Variants in UTRN observed in about 807,000 individuals in gnomAD.
UTRN encodes the protein dystrophin-related protein 1.
Under a neutral mutation model 463.9 loss-of-function variants are expected in UTRN, and 283 were observed. The ratio of observed to expected loss-of-function variants is 0.61; its 90% CI spans 0.55 to 0.67. The LOEUF (loss-of-function observed/expected upper bound fraction) is 0.67. Ranked by LOEUF, UTRN falls within the 30% of genes least tolerant of loss-of-function variation. The pLI is 0.00. For synonymous variants in UTRN, 1,442 were observed against 1,431.5 expected (o/e 1.01, Z -0.17); for missense variants, 3,922 against 4,084.3 (o/e 0.96, Z 1.08).
At position 144,423,631 on chromosome 6, in the gene UTRN, G is replaced by A. The variant is rs1325447997; in HGVS notation, c.312+5G>A. 4 of 1,614,170 alleles carry A rather than the reference G, an allele frequency of 2.5e-6. No homozygotes were observed. The highest frequency in any genetic ancestry group is 2.5e-6 in the Non-Finnish European group (3 of 1,179,968). ...CAGGTTTTACATCAGAACAATGTAA[G>A]TGTGTAATGTGAGTTCTGGGGGTCT... On this transcript the variant is annotated splice_donor_5th_base_variant and intron_variant, in intron 5 of 74. Transcript: ENST00000367545.
chr6:144,442,810 C>G (rs1787307686), intron 13 of UTRN, among the ~76,000 whole-genome samples: 1 of 152,148 alleles, frequency 6.6e-6, no homozygotes, highest in Non-Finnish European at 1.5e-5. Context: ...CACAGGCAAA[C>G]CATATCACAC....
intron 13 of UTRN, 143 bp downstream of exon 13, chr6:144,440,614 G>T (rs935073732): frequency 1.8e-6 from 2 of 1,109,592 alleles, no homozygotes; most frequent in East Asian, 2.5e-5. Context: ...TCTCAGTTGG[G>T]GTTCTACAGT....
intron 52 of UTRN, among the ~76,000 whole-genome samples, chr6:144,696,422 C>T (rs538876100): frequency 7.2e-5 from 11 of 152,224 alleles, no homozygotes; most frequent in African/African-American, 2.6e-4. Context: ...TTTATTTATC[C>T]TAAATTAAAA....
At chr6:144,677,511 A>G (rs996438822) in intron 51 of UTRN, among the ~76,000 whole-genome samples, 1 of 152,140 alleles carries the variant, frequency 6.6e-6, no homozygotes, top group Admixed American at 6.5e-5. Context: ...TATCCAGTCT[A>G]TCATTGATGG....
At chr6:144,728,688 A>G (rs1788185563) in intron 53 of UTRN, among the ~76,000 whole-genome samples, 1 of 152,040 alleles carries the variant, frequency 6.6e-6, no homozygotes, top group Non-Finnish European at 1.5e-5. Context: ...GGAAGGACAT[A>G]TAAATGTACC....
intron 41 of UTRN, among the ~76,000 whole-genome samples, chr6:144,529,294 G>A (rs1250293017): frequency 6.6e-6 from 1 of 152,166 alleles, no homozygotes; most frequent in African/African-American, 2.4e-5. Flanking sequence ...CAGTTCCTCG[G>A]CTCTCCCATG....
At chr6:144,818,411 T>TAA (rs1285136355) in intron 65 of UTRN, among the ~76,000 whole-genome samples, 1 of 152,164 alleles carries the variant, frequency 6.6e-6, no homozygotes, top group Non-Finnish European at 1.5e-5. Flanking sequence ...TGAGGCACAC[T>TAA]GGGTAAGGGG....
chr6:144,678,015 T>C (rs1781821314), intron 51 of UTRN, among the ~76,000 whole-genome samples: 1 of 152,196 alleles, frequency 6.6e-6, no homozygotes, highest in Non-Finnish European at 1.5e-5. Flanking sequence ...GTCAGATGGA[T>C]AGATTGCAGA....
chr6:144,734,426 C>T (rs77366776), intron 54 of UTRN, among the ~76,000 whole-genome samples: 1 of 152,134 alleles, frequency 6.6e-6, no homozygotes, highest in Non-Finnish European at 1.5e-5. Context: ...AATGAGCACT[C>T]AACATTTACG....
At chr6:144,477,745 A>G (rs747733460) in intron 25 of UTRN, among the ~76,000 whole-genome samples, 2 of 152,118 alleles carry the variant, frequency 1.3e-5, no homozygotes, top group Non-Finnish European at 2.9e-5. Flanking sequence ...GCTAAATTCA[A>G]ATTTTTCTCA....
intron 51 of UTRN, among the ~76,000 whole-genome samples, chr6:144,641,937 A>G (rs1327976673): frequency 6.6e-6 from 1 of 152,220 alleles, no homozygotes; most frequent in Non-Finnish European, 1.5e-5. Context: ...GAAATTAGCA[A>G]CTATATTTAG....
intron 38 of UTRN, among the ~76,000 whole-genome samples, 165 bp downstream of exon 38, chr6:144,516,552 C>T (rs1795626902): frequency 6.6e-6 from 1 of 151,882 alleles, no homozygotes; most frequent in South Asian, 2.1e-4. Context: ...GATTCATGTG[C>T]TTAAAAAGAA....
chr6:144,563,401 C>T (rs1800105335), intron 50 of UTRN, among the ~76,000 whole-genome samples: 1 of 151,986 alleles, frequency 6.6e-6, no homozygotes, highest in Non-Finnish European at 1.5e-5. Context: ...TGGTCAATTC[C>T]TTTTAACAGT....
intron 39 of UTRN, among the ~76,000 whole-genome samples, chr6:144,518,945 G>C (rs1795858998): frequency 6.6e-6 from 1 of 152,076 alleles, no homozygotes; most frequent in Non-Finnish European, 1.5e-5. Flanking sequence ...TCTAATTCCT[G>C]AAACAGGTAA....
intron 2 of UTRN, among the ~76,000 whole-genome samples, chr6:144,312,301 G>A (rs1774985054): frequency 6.6e-6 from 1 of 152,000 alleles, no homozygotes; most frequent in African/African-American, 2.4e-5. Flanking sequence ...GCAGGCGCCT[G>A]TAGTCCCAGC....
At chr6:144,762,000 C>T (rs1792745818) in intron 58 of UTRN, among the ~76,000 whole-genome samples, 1 of 152,124 alleles carries the variant, frequency 6.6e-6, no homozygotes, top group Non-Finnish European at 1.5e-5. Flanking sequence ...TAATAAATTA[C>T]ATTTTTGAAC....
In UTRN at chr6:144,403,204, A is replaced by C. The variant is rs1783078338; in HGVS notation, c.141+20A>C. The C allele has an allele frequency of 6.2e-7, 1 of 1,608,656 alleles. No homozygotes were observed. Among genetic ancestry groups the C allele is most frequent in the Non-Finnish European group, 8.5e-7 (1 of 1,176,146 alleles). ...TCAAAGGTAACTGAGACTTTCAAAAACTTCGATGGTTCAGATGCCGCATTC... is the reference window on the plus strand; with the variant it reads ...TCAAAGGTAACTGAGACTTTCAAAACCTTCGATGGTTCAGATGCCGCATTC... On this transcript the variant is annotated intron_variant, in intron 3 of 74. Coordinates refer to ENST00000367545, the MANE Select transcript of UTRN (RefSeq NM_007124.3).
intron 46 of UTRN, among the ~76,000 whole-genome samples, chr6:144,545,993 C>T (rs117084003): frequency 1.6e-4 from 24 of 152,272 alleles, no homozygotes; most frequent in Admixed American, 3.3e-4. Flanking sequence ...GCACTCCAGC[C>T]CAAACTTTGT....
intron 51 of UTRN, among the ~76,000 whole-genome samples, chr6:144,635,514 C>CTTTTCTTTTTTTTTT (rs1777035213): frequency 3.7e-5 from 3 of 80,010 alleles, no homozygotes; most frequent in African/African-American, 1.5e-4. Flanking sequence ...CTTTTTTTTT[C>CTTTTCTTTTTTTTTT]TTTTTTTTTT....
Sources: gnomAD v4.1 joint callset for allele counts (sites outside exome capture counted in the v4.1 genomes callset) on GRCh38, gnomAD v4.1.1 for gene constraint, MANE v1.5 for transcripts, NCBI Gene and HGNC (gene_info 2026-07-23, HGNC 2026-07-21) for gene names.